Variants in MAP4K3 observed in about 807,000 individuals in gnomAD.
MAP4K3 encodes MAPK/ERK kinase kinase kinase 3.
In MAP4K3, 94 loss-of-function variants were observed where a neutral mutation model predicts 143.5. That is an observed-to-expected ratio of 0.65 (90% CI 0.55 to 0.78). MAP4K3 has a LOEUF of 0.78. Among genes scored for constraint, MAP4K3 ranks in the 30% least tolerant of loss-of-function variants. MAP4K3 has a pLI of 0.00. For synonymous variants in MAP4K3, 416 were observed against 347.2 expected, an observed-to-expected ratio of 1.20 and a Z score of -2.20; for missense variants, 1,077 against 1,068.1, an observed-to-expected ratio of 1.01 and a Z score of -0.12.
At chr2:39,377,865 T>C (rs1666260620) in intron 2 of MAP4K3, among the ~76,000 whole-genome samples, 1 of 152,148 alleles carries the variant, frequency 6.6e-6, no homozygotes, top group African/African-American at 2.4e-5. Context: ...CCCCCAATTA[T>C]CAGTTACTTT....
chr2:39,250,524 G>C lies in MAP4K3; in HGVS notation c.*94C>G, dbSNP rs1395420936. The C allele has an allele frequency of 1.7e-6, 2 of 1,183,830 alleles. No homozygotes were observed. Among genetic ancestry groups the C allele is most frequent in the African/African-American group, 3.1e-5 (2 of 65,084 alleles). The allele number at this position is 1,183,830 out of a possible 1,614,324, so 73.3% of individuals were successfully genotyped here. On this transcript the variant is annotated 3_prime_UTR_variant, in exon 34 of 34. Transcript: ENST00000263881. ...TAAATTACAAAGTAACTGAAGACAG[G>C]TTACTGCAGCTTTTGTACAGCTTCA...
chr2:39,310,320 G>A (rs546850751), intron 13 of MAP4K3, among the ~76,000 whole-genome samples: 1 of 152,114 alleles, frequency 6.6e-6, no homozygotes, highest in South Asian at 2.1e-4. Flanking sequence ...AACTTTTTTA[G>A]CTACCACATA....
At chr2:39,346,189 T>G (rs181275368) in intron 3 of MAP4K3, among the ~76,000 whole-genome samples, 3 of 152,194 alleles carry the variant, frequency 2.0e-5, no homozygotes, top group Non-Finnish European at 4.4e-5. Context: ...CCCCAGAGAA[T>G]GTAACCACTA....
At chr2:39,308,571 TA>T (rs1558637503) in intron 14 of MAP4K3, among the ~76,000 whole-genome samples, 2 of 152,184 alleles carry the variant, frequency 1.3e-5, no homozygotes, top group South Asian at 4.1e-4. Flanking sequence ...AAATAGCAAA[TA>T]AAAAAATGAA....
At chr2:39,336,879 A>G in intron 6 of MAP4K3, 41 bp downstream of exon 6, 1 of 882,616 alleles carries the variant, frequency 1.1e-6, no homozygotes, top group Non-Finnish European at 1.7e-6. Flanking sequence ...GAGTATTTAA[A>G]AATGAAGAGA....
chr2:39,278,159 C>A (rs13015356), intron 24 of MAP4K3, among the ~76,000 whole-genome samples: 1 of 151,016 alleles, frequency 6.6e-6, no homozygotes, highest in East Asian at 2.0e-4. Flanking sequence ...GTGCGTGCCT[C>A]TACTCCCAGC....
At chr2:39,403,300 A>G (rs1004667974) in intron 1 of MAP4K3, among the ~76,000 whole-genome samples, 1 of 152,284 alleles carries the variant, frequency 6.6e-6, no homozygotes, top group Non-Finnish European at 1.5e-5. Context: ...TGTGCACTCA[A>G]AGTACCTGGT....
chr2:39,379,569 G>T (rs1666307932), intron 1 of MAP4K3, among the ~76,000 whole-genome samples: 1 of 152,036 alleles, frequency 6.6e-6, no homozygotes, highest in Non-Finnish European at 1.5e-5. Context: ...ATTCTGTAAA[G>T]GAGGCAGAGT....
chr2:39,318,111 T>G (rs533876066), intron 12 of MAP4K3, among the ~76,000 whole-genome samples: 12 of 152,262 alleles, frequency 7.9e-5, no homozygotes, highest in African/African-American at 1.9e-4. Flanking sequence ...AGGATGGAGC[T>G]GGAGGCCATT....
intron 2 of MAP4K3, among the ~76,000 whole-genome samples, chr2:39,372,796 G>T (rs1035285187): frequency 2.0e-5 from 3 of 152,026 alleles, no homozygotes; most frequent in Non-Finnish European, 2.9e-5. Context: ...AATTAAAATG[G>T]ATTAAAGACA....
At chr2:39,407,475 G>A (rs1231309829) in intron 1 of MAP4K3, among the ~76,000 whole-genome samples, 2 of 152,190 alleles carry the variant, frequency 1.3e-5, no homozygotes, top group Admixed American at 6.5e-5. Context: ...CCAACCAAGA[G>A]GCAGCAGAGG....
At chr2:39,259,485 A>G (rs72923496) in intron 29 of MAP4K3, among the ~76,000 whole-genome samples, 11,890 of 152,248 alleles carry the variant, frequency 0.078, 1,584 homozygotes, top group African/African-American at 0.27. Flanking sequence ...TCAGGGAGGC[A>G]GGGCAACTGG....
chr2:39,262,592 T>A (rs1680612409), intron 28 of MAP4K3, among the ~76,000 whole-genome samples: 1 of 152,230 alleles, frequency 6.6e-6, no homozygotes, highest in African/African-American at 2.4e-5. Flanking sequence ...TTTGATTACT[T>A]CTACATTGCT....
chr2:39,383,713 T>C (rs1474348492), intron 1 of MAP4K3, among the ~76,000 whole-genome samples: 4 of 152,068 alleles, frequency 2.6e-5, no homozygotes, highest in African/African-American at 9.7e-5. Context: ...ATAAGGTTAA[T>C]ATACCAATAA....
At chr2:39,260,561 AC>A in intron 29 of MAP4K3, 44 bp downstream of exon 29, 1 of 1,528,568 alleles carries the variant, frequency 6.5e-7, no homozygotes. Context: ...TACTTATAAA[AC>A]CAGTATATGT....
intron 31 of MAP4K3, among the ~76,000 whole-genome samples, chr2:39,256,901 C>T (rs1203800127): frequency 6.6e-6 from 1 of 152,166 alleles, no homozygotes; most frequent in Middle Eastern, 3.2e-3. Context: ...AACTGGAGCC[C>T]AGCAGGCCTG....
At chr2:39,318,950 C>A (rs1487481052) in intron 12 of MAP4K3, among the ~76,000 whole-genome samples, 1 of 151,996 alleles carries the variant, frequency 6.6e-6, no homozygotes, top group Non-Finnish European at 1.5e-5. Context: ...CAATTTTGTC[C>A]CTGAGGAGAC....
chr2:39,255,778 AG>A (rs1680318250), intron 31 of MAP4K3, among the ~76,000 whole-genome samples: 1 of 152,198 alleles, frequency 6.6e-6, no homozygotes, highest in Non-Finnish European at 1.5e-5. Flanking sequence ...CTCCTGCCTC[AG>A]CCTCCTACAG....
chr2:39,301,799 C>T (rs550177862), intron 15 of MAP4K3, among the ~76,000 whole-genome samples: 6 of 152,140 alleles, frequency 3.9e-5, no homozygotes, highest in African/African-American at 1.2e-4. Context: ...CCGAGGCGGG[C>T]GGATCATGAG....
Sources: gnomAD v4.1 joint callset for allele counts (sites outside exome capture counted in the v4.1 genomes callset) on GRCh38, gnomAD v4.1.1 for gene constraint, MANE v1.5 for transcripts, NCBI Gene and HGNC (gene_info 2026-07-23, HGNC 2026-07-21) for gene names.